Variants in SEC14L6 observed in about 807,000 individuals in gnomAD.
SEC14L6 encodes the protein SEC14 like lipid binding 6.
SEC14L6 carries 40 observed loss-of-function variants against 54.1 expected under a neutral mutation model. The observed-to-expected ratio is 0.74, with a 90% confidence interval of 0.57 to 0.96. The LOEUF is 0.96. SEC14L6 is among the 40% of genes least tolerant of loss of function. SEC14L6 has a pLI of 0.00. For missense variants in SEC14L6, 471 were observed against 498.3 expected (o/e 0.95, Z 0.52); for synonymous variants, 171 against 198.4 (o/e 0.86, Z 1.16).
chr22:30,542,980 G>A (rs2085752155), intron 1 of SEC14L6: 3 of 1,601,954 alleles, frequency 1.9e-6, no homozygotes, highest in Non-Finnish European at 2.6e-6. Flanking sequence ...GAAGTCTGGA[G>A]CAGGCACTGA....
chr22:30,545,180 C>T (rs1412421338), intron 1 of SEC14L6, among the ~76,000 whole-genome samples: 1 of 152,188 alleles, frequency 6.6e-6, no homozygotes, highest in Non-Finnish European at 1.5e-5. Context: ...GGACTCCTCC[C>T]AGGCTAGAGA....
At chr22:30,539,648 ATAAT>A (rs2085664983) in intron 1 of SEC14L6, among the ~76,000 whole-genome samples, 2 of 152,368 alleles carry the variant, frequency 1.3e-5, no homozygotes, top group South Asian at 4.1e-4. Context: ...TGCAATAAAG[ATAAT>A]TGAGATCTTT....
chr22:30,525,988 A>C, intron 8 of SEC14L6, 56 bp from the exon 9 acceptor site: 1 of 1,549,282 alleles, frequency 6.5e-7, no homozygotes, highest in Non-Finnish European at 8.8e-7. Flanking sequence ...AACAGAGGGC[A>C]GAGGGGGCTG....
intron 2 of SEC14L6, among the ~76,000 whole-genome samples, chr22:30,535,219 T>C (rs1298825568): frequency 6.6e-6 from 1 of 151,962 alleles, no homozygotes; most frequent in Non-Finnish European, 1.5e-5. Flanking sequence ...CAAATGGGAG[T>C]GAGGTCCTAG....
In SEC14L6 at chr22:30,543,663, T is replaced by C. The variant is rs535139487; in HGVS notation, c.54+2966A>G. 8.1e-6 allele frequency: 13 copies of C among 1,612,424 alleles called. No individual in the cohort carries two copies. In the African/African-American group the frequency reaches 1.3e-4, roughly 17 times the overall value. On this transcript the variant is annotated intron_variant, in intron 1 of 11. Transcript: ENST00000402034. ...GCTCAAATACCGCCGCTGAGAACAC[T>C]GGACCTAATGAACAGAACATCTATA...
chr22:30,531,647 C>T (rs1327453582), intron 6 of SEC14L6, among the ~76,000 whole-genome samples: 1 of 152,158 alleles, frequency 6.6e-6, no homozygotes, highest in Non-Finnish European at 1.5e-5. Flanking sequence ...TTGCTTGAAC[C>T]CGGGAGGTGA....
intron 1 of SEC14L6, chr22:30,543,346 C>T: frequency 6.4e-7 from 1 of 1,572,608 alleles, no homozygotes; most frequent in Non-Finnish European, 8.8e-7. Flanking sequence ...GGAGGTTACT[C>T]AACAGCCCAT....
intron 8 of SEC14L6, among the ~76,000 whole-genome samples, chr22:30,528,840 CA>C (rs1395835309): frequency 6.6e-6 from 1 of 152,104 alleles, no homozygotes; most frequent in African/African-American, 2.4e-5. Context: ...CTCTCAAATC[CA>C]GCTCTCCTAA....
intron 1 of SEC14L6, among the ~76,000 whole-genome samples, chr22:30,545,167 A>G (rs1452514143): frequency 6.6e-6 from 1 of 152,124 alleles, no homozygotes; most frequent in Non-Finnish European, 1.5e-5. Context: ...AAGGACCTTC[A>G]AGGGACTCCT....
At chr22:30,528,119 C>CTTTTTTTTTTT (rs1201756831) in intron 8 of SEC14L6, among the ~76,000 whole-genome samples, 1 of 117,682 alleles carries the variant, frequency 8.5e-6, no homozygotes, top group African/African-American at 3.2e-5. Flanking sequence ...ACCTAGATTT[C>CTTTTTTTTTTT]TTTTTTTTTT....
intron 1 of SEC14L6, chr22:30,543,952 C>A (rs2085770047): frequency 5.0e-6 from 8 of 1,606,154 alleles, no homozygotes; most frequent in Non-Finnish European, 6.8e-6. Context: ...CAGCCTGCAG[C>A]CTGCGTCGGA....
chr22:30,532,081 G>T, intron 5 of SEC14L6, 83 bp from the exon 6 acceptor site: 1 of 1,500,252 alleles, frequency 6.7e-7, no homozygotes. Flanking sequence ...TAAGCCCAGG[G>T]CACTGGCCTG....
At chr22:30,546,575 C>T in intron 1 of SEC14L6, 54 bp downstream of exon 1, 6 of 1,483,968 alleles carry the variant, frequency 4.0e-6, no homozygotes, top group Non-Finnish European at 5.5e-6. Context: ...CCTGCCCTTC[C>T]CCGTGGCAGA....
Position 30,534,011 on chromosome 22 carries a change from C to T in SEC14L6, c.159G>A (p.Glu53=). Residue 53 remains glutamate, a synonymous_variant, in exon 3 of 12, where the codon GAG becomes GAA. Coordinates refer to ENST00000402034, the MANE Select transcript of SEC14L6 (RefSeq NM_001193336.4). The stretch of plus-strand genomic sequence containing the variant: ...TCAACCTCACCTTCCTCAGCATGTC[C>T]TCTGATTTCTGCAGGTCAAAGCTCC... The part of the protein sequence containing the change: ...QARSFDLQKS[E]DMLRKHMEFR... 2 of 1,550,794 alleles carry T rather than the reference C, an allele frequency of 1.3e-6. No homozygotes were observed. The highest frequency in any genetic ancestry group is 2.4e-5 in the South Asian group (2 of 84,044).
intron 1 of SEC14L6, chr22:30,544,125 C>T: frequency 7.6e-7 from 1 of 1,310,620 alleles, no homozygotes; most frequent in East Asian, 2.3e-5. Flanking sequence ...CCATGCTCTT[C>T]CTTGTCCCAC....
intron 6 of SEC14L6, among the ~76,000 whole-genome samples, chr22:30,530,428 A>C (rs993126204): frequency 1.3e-5 from 2 of 152,006 alleles, no homozygotes; most frequent in Admixed American, 1.3e-4. Flanking sequence ...AAAAACTGAG[A>C]TATAATTTAC....
chr22:30,543,308 C>T (rs780316881), intron 1 of SEC14L6: 2 of 1,574,740 alleles, frequency 1.3e-6, no homozygotes, highest in Non-Finnish European at 1.7e-6. Context: ...GCCAACTTGT[C>T]TGAGACTATC....
intron 3 of SEC14L6, among the ~76,000 whole-genome samples, chr22:30,533,639 A>G (rs1298035777): frequency 6.7e-6 from 1 of 150,254 alleles, no homozygotes; most frequent in Non-Finnish European, 1.5e-5. Context: ...TTCCCACCTC[A>G]GGGCCTTTGC....
intron 3 of SEC14L6, 147 bp from the exon 4 acceptor site, chr22:30,533,003 G>A (rs1937035376): frequency 6.7e-7 from 1 of 1,488,676 alleles, no homozygotes; most frequent in Non-Finnish European, 8.9e-7. Flanking sequence ...TAGAACTGGG[G>A]GATGGAAACA....
Sources: gnomAD v4.1 joint callset for allele counts (sites outside exome capture counted in the v4.1 genomes callset) on GRCh38, gnomAD v4.1.1 for gene constraint, MANE v1.5 for transcripts, NCBI Gene and HGNC (gene_info 2026-07-23, HGNC 2026-07-21) for gene names.